EXOC4: variants seen among roughly 807,000 people sequenced by gnomAD.
EXOC4 encodes SEC8-like 1.
In EXOC4, 71 loss-of-function variants were observed where a neutral mutation model predicts 107.2. The ratio of observed to expected loss-of-function variants is 0.66; its 90% CI spans 0.55 to 0.81. The LOEUF is 0.81. Ranked by LOEUF, EXOC4 falls within the 30% of genes least tolerant of loss-of-function variation. The probability of loss-of-function intolerance (pLI) is 0.00; values close to 1 mark genes in which losing one functional copy is unlikely to be tolerated. For missense variants in EXOC4, 1,108 were observed against 1,189.6 expected (o/e 0.93, Z 1.01); for synonymous variants, 456 against 441.2 (o/e 1.03, Z -0.42).
chr7:133,889,358 G>C (rs1022992754), intron 11 of EXOC4, among the ~76,000 whole-genome samples: 1 of 150,124 alleles, frequency 6.7e-6, no homozygotes, highest in Non-Finnish European at 1.5e-5. Flanking sequence ...TTGTTGTTTT[G>C]AGTTCATATT....
At chr7:133,948,098 A>G (rs1214624472) in intron 14 of EXOC4, among the ~76,000 whole-genome samples, 1 of 152,198 alleles carries the variant, frequency 6.6e-6, no homozygotes, top group Non-Finnish European at 1.5e-5. Context: ...AGTGACTTGA[A>G]CAAGACATCT....
chr7:134,036,412 A>G (rs1026813097), intron 17 of EXOC4, among the ~76,000 whole-genome samples: 1 of 152,132 alleles, frequency 6.6e-6, no homozygotes, highest in Non-Finnish European at 1.5e-5. Flanking sequence ...ATATGAGGAA[A>G]CCCCATCTCT....
chr7:133,768,323 C>T (rs1233627671), intron 10 of EXOC4: 1 of 151,800 alleles, frequency 6.6e-6, no homozygotes, highest in Non-Finnish European at 1.5e-5. Context: ...AGAAAAAGTG[C>T]AATTCAGAAA....
intron 7 of EXOC4, among the ~76,000 whole-genome samples, chr7:133,446,928 AT>A (rs2150801584): frequency 6.6e-6 from 1 of 152,318 alleles, no homozygotes; most frequent in Non-Finnish European, 1.5e-5. Flanking sequence ...TACAATATGC[AT>A]TTCTCAACCT....
chr7:133,314,194 A>C (rs557365778), intron 4 of EXOC4, among the ~76,000 whole-genome samples: 4 of 152,252 alleles, frequency 2.6e-5, no homozygotes, highest in Admixed American at 2.0e-4. Flanking sequence ...ACTGAGGTCC[A>C]TATTACTTAA....
chr7:133,831,052 C>T lies in EXOC4; in HGVS notation c.1734+13508C>T, dbSNP rs527360691. Among the ~76,000 whole-genome samples, 10 of 152,276 alleles carry T rather than the reference C, an allele frequency of 6.6e-5. No homozygotes were observed. The South Asian group carries it at 2.1e-3, about 32-fold the overall frequency. ...CGATCTCGGCTCACTGCAACCTCCGCCTCCCGGGTTCAAGCAATTCTCCTG... is the reference window on the plus strand; with the variant it reads ...CGATCTCGGCTCACTGCAACCTCCGTCTCCCGGGTTCAAGCAATTCTCCTG... On this transcript the variant is annotated intron_variant, in intron 11 of 17. Transcript: ENST00000253861.
chr7:133,281,839 T>TTATATATA (rs1357605259), intron 2 of EXOC4, among the ~76,000 whole-genome samples: 1 of 151,806 alleles, frequency 6.6e-6, no homozygotes, highest in Non-Finnish European at 1.5e-5. Context: ...GTAGCTAGGA[T>TTATATATA]TATAGGTACC....
At chr7:133,956,165 C>T (rs1344853099) in intron 14 of EXOC4, among the ~76,000 whole-genome samples, 1 of 150,172 alleles carries the variant, frequency 6.7e-6, no homozygotes. Flanking sequence ...GACAGTAGTA[C>T]CATTGCTTTT....
chr7:133,760,220 CT>C (rs1270189361), intron 10 of EXOC4, among the ~76,000 whole-genome samples: 2 of 152,128 alleles, frequency 1.3e-5, no homozygotes, highest in Non-Finnish European at 2.9e-5. Context: ...TCAGAAGACC[CT>C]GTCCATTTTT....
intron 11 of EXOC4, among the ~76,000 whole-genome samples, chr7:133,849,789 A>C (rs908232222): frequency 1.3e-5 from 2 of 152,242 alleles, no homozygotes; most frequent in Admixed American, 1.3e-4. Flanking sequence ...GTATTAGATG[A>C]CTGAATGAAT....
intron 11 of EXOC4, among the ~76,000 whole-genome samples, chr7:133,894,075 G>A (rs1166755976): frequency 1.2e-4 from 11 of 91,038 alleles, no homozygotes; most frequent in Non-Finnish European, 1.6e-4. Flanking sequence ...CCAATCAGAC[G>A]TAGATTTGGT....
chr7:133,779,217 G>A (rs1796409596), intron 10 of EXOC4, among the ~76,000 whole-genome samples: 1 of 152,126 alleles, frequency 6.6e-6, no homozygotes, highest in Non-Finnish European at 1.5e-5. Flanking sequence ...TTCTGATACT[G>A]TAAAATTTAT....
rs1200451565 is a variant in EXOC4, at chr7:133,356,676, C to T, written c.1007+103C>T. The T allele has an allele frequency of 2.2e-6, 3 of 1,360,426 alleles. No homozygotes were observed. The South Asian group carries it at 4.1e-5, about 19-fold the overall frequency. The allele number at this position is 1,360,426 out of a possible 1,614,324, so 84.3% of individuals were successfully genotyped here. A position where few individuals can be genotyped will look rare whatever the true frequency, so the allele number is the denominator to read the frequency against. On this transcript the variant is annotated intron_variant, in intron 6 of 17. Transcript: ENST00000253861. ...CTTCTGTTGATGTTGTTTTCTTGAACTTAGGATACTATAGCCCATACAGGC... is the reference window on the plus strand; with the variant it reads ...CTTCTGTTGATGTTGTTTTCTTGAATTTAGGATACTATAGCCCATACAGGC...
At chr7:133,776,811 G>C (rs1562992674) in intron 10 of EXOC4, among the ~76,000 whole-genome samples, 5 of 152,014 alleles carry the variant, frequency 3.3e-5, no homozygotes, top group African/African-American at 1.2e-4. Flanking sequence ...GATTCTCTGT[G>C]TTTCTTTATT....
chr7:133,347,898 C>A (rs1795823060), intron 5 of EXOC4, among the ~76,000 whole-genome samples: 1 of 152,024 alleles, frequency 6.6e-6, no homozygotes, highest in Non-Finnish European at 1.5e-5. Context: ...CTCATTAAGA[C>A]CCTCAGAGCA....
At chr7:133,737,324 C>G (rs1795464574) in intron 10 of EXOC4, among the ~76,000 whole-genome samples, 1 of 152,070 alleles carries the variant, frequency 6.6e-6, no homozygotes, top group Non-Finnish European at 1.5e-5. Context: ...TTCAATCCAT[C>G]TCCATCACTC....
intron 9 of EXOC4, among the ~76,000 whole-genome samples, chr7:133,528,041 G>A (rs1800113294): frequency 6.6e-6 from 1 of 152,210 alleles, no homozygotes; most frequent in African/African-American, 2.4e-5. Flanking sequence ...TAGGTCAAGA[G>A]TTGGACCCAA....
At chr7:133,877,110 T>G (rs1412719099) in intron 11 of EXOC4, among the ~76,000 whole-genome samples, 5 of 152,034 alleles carry the variant, frequency 3.3e-5, no homozygotes. Context: ...ATTTTTTCTG[T>G]CTGTGTTTTA....
chr7:133,264,037 A>G (rs188435774), intron 1 of EXOC4, among the ~76,000 whole-genome samples: 1 of 152,304 alleles, frequency 6.6e-6, no homozygotes, highest in Admixed American at 6.5e-5. Flanking sequence ...ACTGTGGACA[A>G]TGCTTGGAGA....
Sources: gnomAD v4.1 joint callset for allele counts (sites outside exome capture counted in the v4.1 genomes callset) on GRCh38, gnomAD v4.1.1 for gene constraint, MANE v1.5 for transcripts, NCBI Gene and HGNC (gene_info 2026-07-23, HGNC 2026-07-21) for gene names.